Variants in PPP2R1B observed in about 807,000 individuals in gnomAD.
The protein encoded by PPP2R1B is protein phosphatase 2 scaffold subunit Abeta, also known as serine/threonine-protein phosphatase 2A 65 kDa regulatory subunit A beta isoform.
In PPP2R1B, 58 loss-of-function variants were observed where a neutral mutation model predicts 72.7. That is an observed-to-expected ratio of 0.80 (90% confidence interval 0.65 to 0.99). The LOEUF (loss-of-function observed/expected upper bound fraction) is 0.99. Among genes scored for constraint, PPP2R1B ranks in the 50% least tolerant of loss-of-function variants. PPP2R1B has a pLI of 0.00. For missense variants in PPP2R1B, 695 were observed against 733.6 expected, an observed-to-expected ratio of 0.95 and a Z score of 0.61; for synonymous variants, 256 against 264.6, an observed-to-expected ratio of 0.97 and a Z score of 0.32.
chr11:111,742,644 G>T lies in PPP2R1B; in HGVS notation c.1576C>A (p.Gln526Lys), dbSNP rs774770646. 2.5e-6 allele frequency: 4 copies of T among 1,612,788 alleles called. No homozygotes were observed. The highest frequency in any genetic ancestry group is 1.7e-4 in the Middle Eastern group (1 of 6,060). Residue 526 changes from glutamine to lysine, a missense_variant, in exon 13 of 15, where the codon CAG (glutamine) becomes AAG (lysine). Gln to Lys is a moderately conservative substitution (Grantham distance 53). Coordinates refer to ENST00000527614, the MANE Select transcript of PPP2R1B (RefSeq NM_002716.5). ...CINALSEACG[Q>K]EITTKQMLPI... ...AGCATTTGCTTAGTAGTTATTTCCT[G>T]ACCACAGGCCTCAGACAGTGCCTAG...
In PPP2R1B at chr11:111,752,211, C is replaced by T; in HGVS notation, c.1286G>A (p.Trp429Ter). 1 of 1,613,974 alleles carries T rather than the reference C, an allele frequency of 6.2e-7. No individual in the cohort carries two copies. The highest frequency in any genetic ancestry group is 2.2e-5 in the East Asian group (1 of 44,896). ...CTCAATGATGGCCAGGCGGACCCTC[C>T]ATTTGGCATCTTCTGCCAGCTCCAC... ...AIVELAEDAK[W>*]RVRLAIIEYM... is the part of the protein sequence containing the mutation. The change falls in exon 10 of 15, where the codon TGG becomes TAG. Residue 429 changes from tryptophan to a stop codon, truncating the protein, a stop_gained. Transcript: ENST00000527614. LOFTEE classifies it high-confidence loss of function.
At chr11:111,702,961 A>G in the PPP2R1B span, among the ~76,000 whole-genome samples, 1 of 152,182 alleles carries the variant, frequency 6.6e-6, no homozygotes, top group Non-Finnish European at 1.5e-5. Flanking sequence ...AATTCAGTAG[A>G]AAGTTTCCTT....
intron 1 of PPP2R1B, 178 bp downstream of exon 1, chr11:111,766,070 A>G (rs1945524212): frequency 4.7e-6 from 3 of 638,500 alleles, no homozygotes; most frequent in African/African-American, 1.8e-5. Context: ...GGTACCCGGG[A>G]GGGTCGGGGC....
intron 10 of PPP2R1B, among the ~76,000 whole-genome samples, chr11:111,748,231 GC>G (rs1944774609): frequency 6.6e-6 from 1 of 152,204 alleles, no homozygotes; most frequent in Admixed American, 6.5e-5. Flanking sequence ...GCTGGCATAG[GC>G]CCTGCTAGGT....
downstream of PPP2R1B, among the ~76,000 whole-genome samples, chr11:111,736,120 CA>C (rs1378733831): frequency 4.6e-5 from 7 of 151,966 alleles, no homozygotes; most frequent in African/African-American, 1.2e-4. Context: ...CATGAGGGAC[CA>C]AAAAACAATG....
At position 111,758,784 on chromosome 11, in the gene PPP2R1B, G is replaced by A. The variant is rs550535358; in HGVS notation, c.687+1020C>T. Among the ~76,000 whole-genome samples, 5 of 152,122 alleles carry A rather than the reference G, an allele frequency of 3.3e-5. No homozygotes were observed. The East Asian group carries it at 5.8e-4, about 18-fold the overall frequency. ...GTGATGTCTCCTATCATAGGTGATCGTTAACAAGTTGGTATTACCTTCTAA... is the reference window on the plus strand; with the variant it reads ...GTGATGTCTCCTATCATAGGTGATCATTAACAAGTTGGTATTACCTTCTAA... On this transcript the variant is annotated intron_variant, in intron 5 of 14. Transcript: ENST00000527614.
At chr11:111,715,855 G>C in the PPP2R1B span, among the ~76,000 whole-genome samples, 1 of 126,516 alleles carries the variant, frequency 7.9e-6, no homozygotes, top group East Asian at 2.4e-4. Flanking sequence ...AGGCTGGAGT[G>C]CAGTGACACG....
chr11:111,701,820 G>C, the PPP2R1B span, among the ~76,000 whole-genome samples: 1 of 152,074 alleles, frequency 6.6e-6, no homozygotes, highest in Non-Finnish European at 1.5e-5. The surrounding 1 kb of genome is among the most constrained non-coding windows in gnomAD (Gnocchi z 4.2). Context: ...TTCATTCTGG[G>C]TCTATAAATG....
intron 15 of PPP2R1B, chr11:111,729,058 G>A (rs1218039317): frequency 6.6e-6 from 1 of 152,250 alleles, no homozygotes; most frequent in Non-Finnish European, 1.5e-5. Context: ...TAATGTCAGA[G>A]CCCTTGTCTG....
chr11:111,695,738 A>AT, the PPP2R1B span, among the ~76,000 whole-genome samples: 3 of 152,172 alleles, frequency 2.0e-5, no homozygotes, highest in African/African-American at 7.2e-5. Flanking sequence ...TTAGTATTTG[A>AT]TTTATTTCAT....
rs1294793030 is a variant in PPP2R1B at position 111,742,506 on chromosome 11, A to G, written c.1697+17T>C. 1.2e-6 allele frequency: 2 copies of G among 1,608,794 alleles called. No individual in the cohort carries two copies. Among genetic ancestry groups the G allele is most frequent in the Non-Finnish European group, 8.5e-7 (1 of 1,177,278 alleles). ...TAAAGTACACTTTTAAAACAAGACT[A>G]AACACTAAAATCTTACTTGGTATCT... On this transcript the variant is annotated intron_variant, in intron 13 of 14. Transcript: ENST00000527614.
chr11:111,756,571 G>A (rs1241314189), intron 5 of PPP2R1B, among the ~76,000 whole-genome samples: 3 of 152,188 alleles, frequency 2.0e-5, no homozygotes, highest in Admixed American at 6.5e-5. Context: ...GCAGTAACAG[G>A]AGTGTAGGCA....
chr11:111,748,063 TA>T lies in PPP2R1B; in HGVS notation c.1339-50del, dbSNP rs782338809. 3.9e-6 allele frequency: 6 copies of T among 1,551,860 alleles called. No individual in the cohort carries two copies. The South Asian group carries it at 6.8e-5, about 17-fold the overall frequency. On this transcript the variant is annotated intron_variant, in intron 10 of 14. Coordinates refer to ENST00000527614, the MANE Select transcript of PPP2R1B (RefSeq NM_002716.5). ...AACATACATTGCCAAAATTCAGAAA[TA>T]AAGATGGTCTATTTACATTACACCA...
chr11:111,738,302 AG>A lies in PPP2R1B; in HGVS notation c.*3293del, dbSNP rs1944401024. ...GAGTGTCACCATTTTTAAAAGTCAG[AG>A]GAATTTAAGTAAAAGGCAAGAGGAC... is the stretch of plus-strand genomic sequence containing the variant. On this transcript the variant is annotated 3_prime_UTR_variant, in exon 15 of 15. Coordinates refer to ENST00000527614, the MANE Select transcript of PPP2R1B (RefSeq NM_002716.5). The A allele has an allele frequency of 2.0e-6, 2 of 985,534 alleles. No individual in the cohort carries two copies. The highest frequency in any genetic ancestry group is 9.4e-5 in the South Asian group (2 of 21,286). The allele number at this position is 985,534 out of a possible 1,614,324, so 61.0% of individuals were successfully genotyped here.
intron 4 of PPP2R1B, among the ~76,000 whole-genome samples, chr11:111,760,208 G>A (rs574725660): frequency 6.6e-6 from 1 of 152,318 alleles, no homozygotes; most frequent in Non-Finnish European, 1.5e-5. Context: ...GCCAGGAATT[G>A]AAAGCAGACT....
the PPP2R1B span, chr11:111,720,809 C>T: frequency 1.3e-6 from 2 of 1,570,904 alleles, no homozygotes; most frequent in South Asian, 2.4e-5. Flanking sequence ...CGTAGGAGAG[C>T]AGTTTCTTGC....
chr11:111,742,846 A>G (rs1362591577), intron 12 of PPP2R1B, among the ~76,000 whole-genome samples, 181 bp from the exon 13 acceptor site: 1 of 152,090 alleles, frequency 6.6e-6, no homozygotes, highest in East Asian at 1.9e-4. Flanking sequence ...GAATTCACAA[A>G]TAAGTTGAAC....
chr11:111,717,600 C>G, the PPP2R1B span, among the ~76,000 whole-genome samples: 1,135 of 152,138 alleles, frequency 7.5e-3, 8 homozygotes, highest in Middle Eastern at 0.061. Context: ...GGGTATATAC[C>G]CAAAGGAATG....
At chr11:111,759,722 A>C (rs1487771530) in intron 5 of PPP2R1B, 82 bp downstream of exon 5, 2 of 1,438,472 alleles carry the variant, frequency 1.4e-6, no homozygotes, top group Non-Finnish European at 1.9e-6. Flanking sequence ...CTAACAAGAA[A>C]ACTAAAACTC....
Sources: allele counts gnomAD v4.1 joint callset (sites outside exome capture counted in the v4.1 genomes callset), GRCh38; gene constraint gnomAD v4.1.1; non-coding constraint Gnocchi (gnomAD v3.1); transcripts MANE v1.5; gene names NCBI Gene and HGNC (gene_info 2026-07-23, HGNC 2026-07-21).